The following ABTB2 variants were observed in gnomAD, a reference collection of about 807,000 sequenced individuals.
ABTB2 encodes the protein ankyrin repeat and BTB domain containing 2, also known as ankyrin repeat and BTB/POZ domain-containing protein 2.
Under a neutral mutation model 104.1 loss-of-function variants are expected in ABTB2, and 56 were observed. The ratio of observed to expected loss-of-function variants is 0.54; its 90% confidence interval spans 0.43 to 0.67. The LOEUF (loss-of-function observed/expected upper bound fraction) is 0.67. Ranked by LOEUF, ABTB2 falls within the 30% of genes least tolerant of loss-of-function variation. The probability of loss-of-function intolerance (pLI) is 0.00; values close to 1 mark genes in which losing one functional copy is unlikely to be tolerated. For synonymous variants in ABTB2, 606 were observed against 608.2 expected, an observed-to-expected ratio of 1.00 and a Z score of 0.05; for missense variants, 1,279 against 1,407.7, an observed-to-expected ratio of 0.91 and a Z score of 1.46.
intron 5 of ABTB2, among the ~76,000 whole-genome samples, chr11:34,170,020 C>G (rs1852848923): frequency 2.0e-5 from 3 of 152,252 alleles, no homozygotes; most frequent in African/African-American, 7.2e-5. Flanking sequence ...TCCCCATGCT[C>G]TGTGTGGCCT....
intron 1 of ABTB2, among the ~76,000 whole-genome samples, chr11:34,277,862 T>C (rs1406866244): frequency 7.1e-6 from 1 of 140,192 alleles, no homozygotes; most frequent in Non-Finnish European, 1.5e-5. Context: ...TGGAGTACAA[T>C]GGCACAGCCT....
chr11:34,203,015 T>TA (rs1339173559), intron 2 of ABTB2, among the ~76,000 whole-genome samples: 1 of 152,146 alleles, frequency 6.6e-6, no homozygotes, highest in Non-Finnish European at 1.5e-5. Flanking sequence ...GGGAGGCCTC[T>TA]AAATGCTCCT....
intron 1 of ABTB2, among the ~76,000 whole-genome samples, chr11:34,344,062 T>A (rs564057939): frequency 2.6e-5 from 4 of 152,174 alleles, no homozygotes; most frequent in Non-Finnish European, 5.9e-5. Flanking sequence ...CCAGGCCCCA[T>A]GCCTTCTCAA....
At chr11:34,191,569 C>A (rs1853177327) in intron 3 of ABTB2, among the ~76,000 whole-genome samples, 1 of 152,202 alleles carries the variant, frequency 6.6e-6, no homozygotes, top group South Asian at 2.1e-4. Context: ...GGGTGCAGAA[C>A]TACATATCAG....
intron 1 of ABTB2, among the ~76,000 whole-genome samples, chr11:34,342,981 A>AT (rs1564937076): frequency 2.0e-5 from 3 of 150,674 alleles, no homozygotes; most frequent in African/African-American, 7.3e-5. Context: ...TCATTCATTC[A>AT]TTTTTTGAGA....
At chr11:34,300,748 G>A (rs182508582) in intron 1 of ABTB2, among the ~76,000 whole-genome samples, 15 of 152,260 alleles carry the variant, frequency 9.9e-5, no homozygotes, top group Non-Finnish European at 2.1e-4. Flanking sequence ...GTCTTGGTAC[G>A]CAATAAAGAT....
At chr11:34,294,682 G>A (rs1193625347) in intron 1 of ABTB2, among the ~76,000 whole-genome samples, 6 of 151,996 alleles carry the variant, frequency 3.9e-5, no homozygotes, top group Admixed American at 3.9e-4. Context: ...GACCAGCCTG[G>A]GCAACATAGT....
chr11:34,337,621 C>T (rs577074282), intron 1 of ABTB2, among the ~76,000 whole-genome samples: 25 of 152,156 alleles, frequency 1.6e-4, no homozygotes, highest in Non-Finnish European at 2.2e-4. Flanking sequence ...GTCATTTCAA[C>T]TATCTCAAGG....
Position 34,154,835 on chromosome 11 carries a change from C to A in ABTB2, c.2698-66G>T. 6.5e-7 allele frequency: 1 copy of A among 1,548,768 alleles called. No homozygotes were observed. The highest frequency in any genetic ancestry group is 1.7e-4 in the Middle Eastern group (1 of 5,938). On this transcript the variant is annotated intron_variant, in intron 14 of 16. Transcript: ENST00000435224. The surrounding 1 kb of genome is among the most constrained non-coding windows in gnomAD (Gnocchi z 4.9). ...GAGGCATGAAAGTCCTTGCCAGCCC[C>A]ACAGGGTACTGCTCCAGCTGCCGCC... is the stretch of plus-strand genomic sequence containing the variant.
intron 3 of ABTB2, among the ~76,000 whole-genome samples, chr11:34,181,085 A>G (rs1853019999): frequency 6.6e-6 from 1 of 152,052 alleles, no homozygotes; most frequent in Non-Finnish European, 1.5e-5. Context: ...TTGTATTTTT[A>G]GTAGAGACAG....
chr11:34,212,854 C>A (rs902941402), intron 1 of ABTB2, among the ~76,000 whole-genome samples: 1 of 152,192 alleles, frequency 6.6e-6, no homozygotes, highest in Admixed American at 6.5e-5. Context: ...CAGGAGCTCA[C>A]TGTTAAACAG....
At chr11:34,326,278 A>C (rs1046087993) in intron 1 of ABTB2, among the ~76,000 whole-genome samples, 3 of 152,188 alleles carry the variant, frequency 2.0e-5, no homozygotes, top group Non-Finnish European at 4.4e-5. Context: ...CACCAAAAAA[A>C]CCACAGAGAT....
intron 1 of ABTB2, among the ~76,000 whole-genome samples, chr11:34,211,253 G>A (rs1409070856): frequency 6.6e-6 from 1 of 152,104 alleles, no homozygotes. Context: ...GGGTACAGGG[G>A]CACACTGCCG....
intron 1 of ABTB2, among the ~76,000 whole-genome samples, chr11:34,350,212 G>A (rs191109696): frequency 2.0e-5 from 3 of 152,184 alleles, no homozygotes; most frequent in South Asian, 4.2e-4. Context: ...GGAGTCAGCA[G>A]CCGGACACCA....
At chr11:34,177,211 C>T (rs763369306) in intron 3 of ABTB2, among the ~76,000 whole-genome samples, 5 of 152,210 alleles carry the variant, frequency 3.3e-5, no homozygotes, top group East Asian at 1.9e-4. Flanking sequence ...AGAGGGAATT[C>T]GGGAAATCAT....
chr11:34,178,949 AC>A (rs1377724619), intron 3 of ABTB2, among the ~76,000 whole-genome samples: 2 of 151,964 alleles, frequency 1.3e-5, no homozygotes, highest in Non-Finnish European at 2.9e-5. Context: ...GGTGGCACAC[AC>A]CTGTAGTCCA....
intron 1 of ABTB2, among the ~76,000 whole-genome samples, chr11:34,209,305 G>A (rs928755431): frequency 6.6e-6 from 1 of 151,698 alleles, no homozygotes; most frequent in Non-Finnish European, 1.5e-5. Context: ...ACGTGCCACT[G>A]CACTCCAGCC....
intron 1 of ABTB2, among the ~76,000 whole-genome samples, chr11:34,297,481 T>C (rs568422662): frequency 1.3e-5 from 2 of 152,304 alleles, no homozygotes; most frequent in South Asian, 2.1e-4. Flanking sequence ...GCTATGGTTT[T>C]AATGTATCCC....
At chr11:34,349,185 G>GA (rs1483182907) in intron 1 of ABTB2, among the ~76,000 whole-genome samples, 1 of 152,184 alleles carries the variant, frequency 6.6e-6, no homozygotes, top group Non-Finnish European at 1.5e-5. Flanking sequence ...TATGATCTGT[G>GA]GCTGAGGATT....
Sources: allele counts gnomAD v4.1 joint callset (sites outside exome capture counted in the v4.1 genomes callset), GRCh38; gene constraint gnomAD v4.1.1; non-coding constraint Gnocchi (gnomAD v3.1); transcripts MANE v1.5; gene names NCBI Gene and HGNC (gene_info 2026-07-23, HGNC 2026-07-21).